Variants in SEMA5A observed in about 807,000 individuals in gnomAD.
SEMA5A encodes semaphorin 5A.
Under a neutral mutation model 135.5 loss-of-function variants are expected in SEMA5A, and 55 were observed. That is an observed-to-expected ratio of 0.41 (90% CI 0.33 to 0.51). SEMA5A has a LOEUF of 0.51. Among genes scored for constraint, SEMA5A ranks in the 20% least tolerant of loss-of-function variants. The pLI is 0.37. For synonymous variants in SEMA5A, 580 were observed against 546.5 expected, an observed-to-expected ratio of 1.06 and a Z score of -0.85; for missense variants, 1,290 against 1,419.9, an observed-to-expected ratio of 0.91 and a Z score of 1.47.
At chr5:9,079,451 A>G (rs1293907464) in intron 16 of SEMA5A, among the ~76,000 whole-genome samples, 2 of 152,166 alleles carry the variant, frequency 1.3e-5, no homozygotes, top group Admixed American at 1.3e-4. Flanking sequence ...TGCCCACAAG[A>G]GAAAGTAGGA....
intron 16 of SEMA5A, among the ~76,000 whole-genome samples, chr5:9,074,994 T>C (rs1006543265): frequency 6.6e-6 from 1 of 152,234 alleles, no homozygotes; most frequent in Non-Finnish European, 1.5e-5. Flanking sequence ...CCAGTTACTC[T>C]GAAGACAGGT....
At chr5:9,197,728 T>TTTTGTGTG (rs1164791275) in intron 9 of SEMA5A, among the ~76,000 whole-genome samples, 1 of 59,288 alleles carries the variant, frequency 1.7e-5, no homozygotes. Context: ...GGAAAGCTGT[T>TTTTGTGTG]TGTGTGTGTG....
chr5:9,152,260 G>A (rs1742672941), intron 12 of SEMA5A, among the ~76,000 whole-genome samples: 1 of 152,130 alleles, frequency 6.6e-6, no homozygotes, highest in African/African-American at 2.4e-5. Context: ...CCTTCACTGA[G>A]CTGGAGTTGA....
chr5:9,422,491 A>G (rs1045277885), intron 2 of SEMA5A: 4 of 152,184 alleles, frequency 2.6e-5, no homozygotes, highest in Non-Finnish European at 1.5e-5. Context: ...GAAAGAACCG[A>G]CTGTCTTTTT....
intron 1 of SEMA5A, among the ~76,000 whole-genome samples, chr5:9,500,448 A>G (rs183532841): frequency 1.2e-4 from 19 of 152,310 alleles, no homozygotes; most frequent in African/African-American, 4.3e-4. Context: ...AGCTTTTGAC[A>G]TGTGCATTTG....
At chr5:9,069,716 G>A (rs946833968) in intron 16 of SEMA5A, among the ~76,000 whole-genome samples, 1 of 152,106 alleles carries the variant, frequency 6.6e-6, no homozygotes, top group Non-Finnish European at 1.5e-5. Flanking sequence ...CTCCCGGCCT[G>A]CATGATCTCT....
chr5:9,494,236 G>C (rs551902223), intron 1 of SEMA5A, among the ~76,000 whole-genome samples: 11 of 152,186 alleles, frequency 7.2e-5, no homozygotes, highest in African/African-American at 2.4e-4. Context: ...CTATAGGAGA[G>C]ACAAACAGGA....
chr5:9,282,780 C>T (rs988418729), intron 5 of SEMA5A, among the ~76,000 whole-genome samples: 1 of 152,126 alleles, frequency 6.6e-6, no homozygotes, highest in Non-Finnish European at 1.5e-5. Context: ...AGCATCAATC[C>T]TAAATTCCTA....
chr5:9,278,458 A>G (rs1421206382), intron 5 of SEMA5A, among the ~76,000 whole-genome samples: 1 of 152,238 alleles, frequency 6.6e-6, no homozygotes, highest in Non-Finnish European at 1.5e-5. Flanking sequence ...TAGAAAAGAA[A>G]AACCCATTTT....
chr5:9,440,515 T>C (rs1355896441), intron 1 of SEMA5A, among the ~76,000 whole-genome samples: 1 of 152,224 alleles, frequency 6.6e-6, no homozygotes, highest in East Asian at 1.9e-4. Context: ...AGTCATAATT[T>C]TCAGAGTTCT....
chr5:9,450,687 G>T (rs1758609789), intron 1 of SEMA5A, among the ~76,000 whole-genome samples: 1 of 151,318 alleles, frequency 6.6e-6, no homozygotes, highest in Non-Finnish European at 1.5e-5. Flanking sequence ...CTATTTTACA[G>T]AAGGCTTTAG....
chr5:9,344,476 T>A (rs1753777670), intron 3 of SEMA5A, among the ~76,000 whole-genome samples: 1 of 151,804 alleles, frequency 6.6e-6, no homozygotes, highest in Non-Finnish European at 1.5e-5. Context: ...GAGAGAAAAA[T>A]TGGAAAGAAG....
chr5:9,229,121 C>T (rs1470555236), intron 6 of SEMA5A, among the ~76,000 whole-genome samples: 1 of 152,126 alleles, frequency 6.6e-6, no homozygotes, highest in Admixed American at 6.5e-5. Flanking sequence ...AGTGAAATAC[C>T]AAGGGTGGAT....
intron 1 of SEMA5A, among the ~76,000 whole-genome samples, chr5:9,533,414 A>G (rs577113323): frequency 6.6e-6 from 1 of 152,342 alleles, no homozygotes; most frequent in African/African-American, 2.4e-5. Flanking sequence ...AAGGTTACAT[A>G]CATAGTAAAA....
At chr5:9,055,260 C>T (rs1247326832) in intron 18 of SEMA5A, among the ~76,000 whole-genome samples, 1 of 152,194 alleles carries the variant, frequency 6.6e-6, no homozygotes, top group African/African-American at 2.4e-5. Flanking sequence ...CCAGATCTTC[C>T]TTGTTATTGC....
intron 5 of SEMA5A, among the ~76,000 whole-genome samples, chr5:9,285,358 C>A (rs1361903039): frequency 6.6e-6 from 1 of 152,150 alleles, no homozygotes; most frequent in Non-Finnish European, 1.5e-5. Flanking sequence ...AAATCTCAAG[C>A]TTCAATCACT....
intron 13 of SEMA5A, among the ~76,000 whole-genome samples, chr5:9,131,624 A>C (rs1741426690): frequency 5.6e-5 from 1 of 17,818 alleles, no homozygotes; most frequent in East Asian, 1.3e-3. Context: ...AAAAAAAAAA[A>C]AAAAAAAAAA....
intron 12 of SEMA5A, among the ~76,000 whole-genome samples, chr5:9,149,065 A>G (rs1453835268): frequency 6.6e-6 from 1 of 152,114 alleles, no homozygotes; most frequent in African/African-American, 2.4e-5. Flanking sequence ...GGATGTGGTG[A>G]GTAGACTCAT....
intron 11 of SEMA5A, among the ~76,000 whole-genome samples, chr5:9,176,434 T>C (rs1055106082): frequency 1.6e-4 from 24 of 152,224 alleles, no homozygotes; most frequent in Non-Finnish European, 3.5e-4. Flanking sequence ...CTAGCTGGCA[T>C]CCTGATTGCA....
Sources: allele counts gnomAD v4.1 joint callset (sites outside exome capture counted in the v4.1 genomes callset), GRCh38; gene constraint gnomAD v4.1.1; transcripts MANE v1.5; gene names NCBI Gene and HGNC (gene_info 2026-07-23, HGNC 2026-07-21).